MACC1: variants seen among roughly 807,000 people sequenced by gnomAD.
MACC1 encodes MET transcriptional regulator MACC1.
Under a neutral mutation model 70.7 loss-of-function variants are expected in MACC1, and 79 were observed. That is an observed-to-expected ratio of 1.12 (90% CI 0.93 to 1.35). The LOEUF (loss-of-function observed/expected upper bound fraction) is 1.35. Among genes scored for constraint, MACC1 ranks in the 40% most tolerant of loss-of-function variants. The probability of loss-of-function intolerance (pLI) is 0.00; values close to 1 mark genes in which losing one functional copy is unlikely to be tolerated. For synonymous variants in MACC1, 361 were observed against 347.2 expected (o/e 1.04, Z -0.44); for missense variants, 1,106 against 978.1 (o/e 1.13, Z -1.74).
intron 1 of MACC1, among the ~76,000 whole-genome samples, chr7:20,197,300 C>T (rs926921721): frequency 6.6e-6 from 1 of 152,298 alleles, no homozygotes; most frequent in Middle Eastern, 3.4e-3. Context: ...CAAAGGCCAG[C>T]CCTCCCTTCT....
At chr7:20,184,852 A>T (rs1476569242) in intron 1 of MACC1, 1 of 152,202 alleles carries the variant, frequency 6.6e-6, no homozygotes, top group Admixed American at 6.5e-5. Context: ...AACTGGAAGA[A>T]ACGTCTTTTA....
intron 1 of MACC1, among the ~76,000 whole-genome samples, chr7:20,174,282 T>A (rs1274968129): frequency 1.3e-5 from 2 of 152,124 alleles, no homozygotes; most frequent in Non-Finnish European, 1.5e-5. Context: ...CTTTCCCCAA[T>A]CAGCATCTGG....
intron 1 of MACC1, among the ~76,000 whole-genome samples, chr7:20,202,785 A>G (rs1782851918): frequency 6.6e-6 from 1 of 152,202 alleles, no homozygotes; most frequent in Non-Finnish European, 1.5e-5. Flanking sequence ...ATTTTCATCA[A>G]TTTAAAGGGC....
chr7:20,196,225 G>A (rs951839115), intron 1 of MACC1, among the ~76,000 whole-genome samples: 1 of 151,890 alleles, frequency 6.6e-6, no homozygotes, highest in Admixed American at 6.6e-5. Flanking sequence ...CTGTCTCCCA[G>A]GCTGGAGTGC....
chr7:20,142,744 T>C (rs979451477), intron 6 of MACC1, among the ~76,000 whole-genome samples: 2 of 152,218 alleles, frequency 1.3e-5, no homozygotes, highest in African/African-American at 4.8e-5. Context: ...ACTAAACAAA[T>C]AGATTATTCT....
intron 1 of MACC1, among the ~76,000 whole-genome samples, chr7:20,191,227 C>A (rs574471899): frequency 4.0e-4 from 61 of 152,286 alleles, no homozygotes; most frequent in African/African-American, 1.4e-3. Context: ...CTATTAACAC[C>A]TGCAGGATGC....
intron 6 of MACC1, among the ~76,000 whole-genome samples, chr7:20,145,560 G>C (rs1781877975): frequency 6.6e-6 from 1 of 152,148 alleles, no homozygotes; most frequent in Non-Finnish European, 1.5e-5. Context: ...AATTTTTAAA[G>C]TAATATTCTA....
intron 1 of MACC1, among the ~76,000 whole-genome samples, chr7:20,213,728 G>GGGAA (rs1417416598): frequency 2.0e-5 from 3 of 152,032 alleles, no homozygotes; most frequent in African/African-American, 7.3e-5. Flanking sequence ...ACACATAAAG[G>GGGAA]GGAACAACAC....
chr7:20,178,029 GAATAA>G (rs1199443338), intron 1 of MACC1, among the ~76,000 whole-genome samples: 1 of 151,814 alleles, frequency 6.6e-6, no homozygotes, highest in African/African-American at 2.4e-5. Context: ...TCTATTAGAT[GAATAA>G]AATGTTCAAT....
chr7:20,198,076 A>T (rs5026218), intron 1 of MACC1, among the ~76,000 whole-genome samples: 72,662 of 151,586 alleles, frequency 0.48, 17,969 homozygotes, highest in East Asian at 0.87. Flanking sequence ...CACAGTGGCT[A>T]ATCCAGGTGG....
rs182732375 is a variant in MACC1, at chr7:20,140,661, T to A, written c.*285A>T. 6.5e-6 allele frequency: 2 copies of A among 305,796 alleles called. No individual in the cohort carries two copies. Among genetic ancestry groups the A allele is most frequent in the African/African-American group, 4.3e-5 (2 of 46,982 alleles). The allele number at this position is 305,796 out of a possible 1,614,324, so 18.9% of individuals were successfully genotyped here. A position where few individuals can be genotyped will look rare whatever the true frequency, so the allele number is the denominator to read the frequency against. On this transcript the variant is annotated 3_prime_UTR_variant, in exon 7 of 7. Transcript: ENST00000400331. Reference sequence around the variant, plus strand: ...AGAACAAAGCAGCCTAATACTTGTATTTGAAACATACACAAAAATACATAT... The same window carrying A: ...AGAACAAAGCAGCCTAATACTTGTAATTGAAACATACACAAAAATACATAT...
At chr7:20,142,670 C>T (rs1202771023) in intron 6 of MACC1, among the ~76,000 whole-genome samples, 1 of 152,200 alleles carries the variant, frequency 6.6e-6, no homozygotes, top group African/African-American at 2.4e-5. Context: ...TCAGTTGAGA[C>T]ATAGTAATGG....
intron 1 of MACC1, among the ~76,000 whole-genome samples, chr7:20,196,181 A>T (rs971807971): frequency 7.2e-5 from 11 of 151,828 alleles, no homozygotes; most frequent in Admixed American, 2.0e-4. Flanking sequence ...GGTTTTTTTT[A>T]AATTTTATTT....
chr7:20,202,504 G>A (rs1325507247), intron 1 of MACC1, among the ~76,000 whole-genome samples: 2 of 152,156 alleles, frequency 1.3e-5, no homozygotes, highest in East Asian at 1.9e-4. Flanking sequence ...CAAAAAACCT[G>A]ATCGAGCTTC....
chr7:20,141,056 T>C lies in MACC1; in HGVS notation c.2449A>G (p.Met817Val), dbSNP rs1372536397. 5.0e-6 allele frequency: 8 copies of C among 1,613,880 alleles called. No individual in the cohort carries two copies. Among genetic ancestry groups the C allele is most frequent in the Non-Finnish European group, 5.9e-6 (7 of 1,179,876 alleles). The change falls in exon 7 of 7, where the codon ATG becomes GTG. Residue 817 changes from methionine to valine, a missense_variant. Transcript: ENST00000400331. ...CAGTGTTTAGTCACAGGGTTTTTCA[T>C]TCTGTCCAAAGCTGACTGAAGGTCT... ...LQDLQSALDR[M>V]KNPVTKHWRE...
At chr7:20,166,810 T>G (rs1782227244) in intron 2 of MACC1, among the ~76,000 whole-genome samples, 2 of 152,214 alleles carry the variant, frequency 1.3e-5, no homozygotes, top group African/African-American at 2.4e-5. Flanking sequence ...TCTTTCTATC[T>G]TATTATCCTT....
chr7:20,186,302 C>A (rs1782588610), intron 1 of MACC1, among the ~76,000 whole-genome samples: 1 of 151,966 alleles, frequency 6.6e-6, no homozygotes, highest in South Asian at 2.1e-4. Context: ...TATTTATGAC[C>A]AACAACATTC....
chr7:20,190,785 A>G (rs539999565), intron 1 of MACC1, among the ~76,000 whole-genome samples: 1 of 152,256 alleles, frequency 6.6e-6, no homozygotes, highest in Non-Finnish European at 1.5e-5. Context: ...ATCAGTGGAC[A>G]TATTCCTGTG....
At chr7:20,194,970 A>T (rs1302837278) in intron 1 of MACC1, among the ~76,000 whole-genome samples, 2 of 152,086 alleles carry the variant, frequency 1.3e-5, no homozygotes, top group African/African-American at 4.8e-5. Flanking sequence ...TTTTTAGTAA[A>T]CCTCTAATCA....
Sources: allele counts gnomAD v4.1 joint callset (sites outside exome capture counted in the v4.1 genomes callset), GRCh38; gene constraint gnomAD v4.1.1; transcripts MANE v1.5; gene names NCBI Gene and HGNC (gene_info 2026-07-23, HGNC 2026-07-21).